R3HDM2: variants seen among roughly 807,000 people sequenced by gnomAD.
R3HDM2 encodes the protein R3H domain-containing protein 2.
In R3HDM2, 38 loss-of-function variants were observed where a neutral mutation model predicts 124.5. That is an observed-to-expected ratio of 0.31 (90% CI 0.24 to 0.40). The LOEUF (loss-of-function observed/expected upper bound fraction) is 0.40, where lower values mean the gene tolerates loss of function less well. Ranked by LOEUF, R3HDM2 falls within the 10% of genes least tolerant of loss-of-function variation. The pLI is 1.00. For missense variants in R3HDM2, 869 were observed against 1,236.9 expected (o/e 0.70, Z 4.46); for synonymous variants, 391 against 448.0 (o/e 0.87, Z 1.61).
At chr12:57,269,628 C>T in intron 15 of R3HDM2, 124 bp downstream of exon 15, 1 of 1,488,688 alleles carries the variant, frequency 6.7e-7, no homozygotes, top group South Asian at 1.3e-5. Context: ...CTGGCTAGAA[C>T]AACTCTCAAG....
At chr12:57,350,164 C>T (rs368965468) in intron 2 of R3HDM2, among the ~76,000 whole-genome samples, 15 of 151,932 alleles carry the variant, frequency 9.9e-5, no homozygotes, top group African/African-American at 3.6e-4. Context: ...AAGCCGAGAT[C>T]GCGCCACTGC....
chr12:57,394,868 T>G (rs747374540), intron 2 of R3HDM2, among the ~76,000 whole-genome samples: 8 of 152,224 alleles, frequency 5.3e-5, no homozygotes, highest in Non-Finnish European at 7.3e-5. Context: ...TATATGGATA[T>G]TCATGCAAAT....
chr12:57,413,775 C>T lies in R3HDM2; in HGVS notation c.-106+16945G>A, dbSNP rs1457203380. Among the ~76,000 whole-genome samples, 3 of 151,624 alleles carry T rather than the reference C, an allele frequency of 2.0e-5. No individual in the cohort carries two copies. In the East Asian group the frequency reaches 5.8e-4, roughly 29 times the overall value. ...CAACAACAACAACAAAAAAAACAAA[C>T]TCAGGTTAGACACTTTATTGCTCAA... On this transcript the variant is annotated intron_variant, in intron 1 of 23. Coordinates refer to ENST00000402412, the MANE Select transcript of R3HDM2 (RefSeq NM_001394031.1).
At chr12:57,416,015 C>T (rs969294200) in intron 1 of R3HDM2, among the ~76,000 whole-genome samples, 9 of 152,066 alleles carry the variant, frequency 5.9e-5, no homozygotes, top group African/African-American at 1.9e-4. Context: ...TAAATATGGA[C>T]TGTTTATAAT....
chr12:57,352,241 C>CAAAAA (rs776229504), intron 2 of R3HDM2, among the ~76,000 whole-genome samples: 151 of 47,600 alleles, frequency 3.2e-3, no homozygotes, highest in Middle Eastern at 0.029. Flanking sequence ...GACTCCATCT[C>CAAAAA]AAAAAAAAAA....
intron 1 of R3HDM2, among the ~76,000 whole-genome samples, chr12:57,401,228 C>G (rs906980325): frequency 2.6e-5 from 4 of 151,518 alleles, no homozygotes; most frequent in African/African-American, 9.7e-5. Flanking sequence ...TGAATATGAG[C>G]TGGCCTTGTG....
At chr12:57,275,944 G>A (rs963638367) in intron 14 of R3HDM2, among the ~76,000 whole-genome samples, 2 of 152,094 alleles carry the variant, frequency 1.3e-5, no homozygotes, top group Non-Finnish European at 2.9e-5. Context: ...AGGGCCGGGC[G>A]CAGTGGCTCA....
intron 12 of R3HDM2, among the ~76,000 whole-genome samples, chr12:57,284,414 A>AG (rs1310941125): frequency 6.6e-6 from 1 of 152,228 alleles, no homozygotes; most frequent in Non-Finnish European, 1.5e-5. Flanking sequence ...TGGGGAACAG[A>AG]GGGGTACCAG....
At chr12:57,267,525 C>T (rs1035842865) in intron 18 of R3HDM2, among the ~76,000 whole-genome samples, 1 of 152,196 alleles carries the variant, frequency 6.6e-6, no homozygotes, top group Non-Finnish European at 1.5e-5. Context: ...TGTACTCCAG[C>T]CTGGGTAACA....
At chr12:57,369,094 C>T (rs542866180) in intron 2 of R3HDM2, among the ~76,000 whole-genome samples, 1 of 152,296 alleles carries the variant, frequency 6.6e-6, no homozygotes, top group South Asian at 2.1e-4. Flanking sequence ...TACTCAAGAA[C>T]TTTCTTGTCA....
intron 1 of R3HDM2, among the ~76,000 whole-genome samples, chr12:57,426,546 C>T (rs994027925): frequency 6.6e-6 from 1 of 152,132 alleles, no homozygotes; most frequent in African/African-American, 2.4e-5. Flanking sequence ...AAAGTGGAAC[C>T]AGCCTGCTCA....
intron 8 of R3HDM2, chr12:57,297,032 C>T (rs539955838): frequency 1.8e-5 from 5 of 279,042 alleles, no homozygotes; most frequent in South Asian, 5.4e-5. Context: ...CCAGCCTAGG[C>T]GACAAAGAAA....
chr12:57,332,435 A>T (rs1350592392), intron 2 of R3HDM2, among the ~76,000 whole-genome samples: 1 of 144,340 alleles, frequency 6.9e-6, no homozygotes, highest in Non-Finnish European at 1.5e-5. Flanking sequence ...AAAAAAAAAA[A>T]GTAGGTGGCA....
chr12:57,428,752 T>TA (rs1868717400), intron 1 of R3HDM2, among the ~76,000 whole-genome samples: 1 of 151,156 alleles, frequency 6.6e-6, no homozygotes, highest in African/African-American at 2.4e-5. Flanking sequence ...GCTATTATTT[T>TA]TTTTTTTTTT....
intron 14 of R3HDM2, among the ~76,000 whole-genome samples, chr12:57,278,262 C>T (rs2045322321): frequency 6.6e-6 from 1 of 152,182 alleles, no homozygotes; most frequent in Non-Finnish European, 1.5e-5. Context: ...CCAATTGACC[C>T]TCACAATCCA....
chr12:57,310,717 T>G (rs2053723140), intron 2 of R3HDM2, among the ~76,000 whole-genome samples: 2 of 152,094 alleles, frequency 1.3e-5, no homozygotes, highest in South Asian at 4.1e-4. Flanking sequence ...TGTGAAACCA[T>G]CACCCCAATC....
intron 2 of R3HDM2, among the ~76,000 whole-genome samples, chr12:57,393,096 G>C (rs1054635228): frequency 7.1e-6 from 1 of 140,906 alleles, no homozygotes; most frequent in Non-Finnish European, 1.5e-5. Flanking sequence ...CAGCCACTGC[G>C]CCAGGCATTT....
At chr12:57,396,010 A>T (rs781644427) in intron 1 of R3HDM2, among the ~76,000 whole-genome samples, 192 bp from the exon 2 acceptor site, 13 of 148,650 alleles carry the variant, frequency 8.7e-5, no homozygotes, top group East Asian at 3.9e-4. Context: ...ATTTACAATT[A>T]AAAAAACCCT....
At chr12:57,342,590 C>T (rs1273352943) in intron 2 of R3HDM2, among the ~76,000 whole-genome samples, 2 of 152,188 alleles carry the variant, frequency 1.3e-5, no homozygotes, top group African/African-American at 4.8e-5. Context: ...CGCCTGCCTC[C>T]ACACTGCTCT....
Sources: allele counts gnomAD v4.1 joint callset (sites outside exome capture counted in the v4.1 genomes callset), GRCh38; gene constraint gnomAD v4.1.1; transcripts MANE v1.5; gene names NCBI Gene and HGNC (gene_info 2026-07-23, HGNC 2026-07-21).